The following ZNF578 variants were observed in gnomAD, a reference collection of about 807,000 sequenced individuals.
The protein encoded by ZNF578 is Putative chemokine-related protein B42.
Under a neutral mutation model 8.3 loss-of-function variants are expected in ZNF578, and 8 were observed. That is an observed-to-expected ratio of 0.96 (90% CI 0.56 to 1.74). The LOEUF (loss-of-function observed/expected upper bound fraction) is 1.74. Ranked by LOEUF, ZNF578 falls within the 40% of genes most tolerant of loss-of-function variation. The pLI is 0.00. For synonymous variants in ZNF578, 206 were observed against 232.2 expected (o/e 0.89, Z 1.03); for missense variants, 726 against 707.5 (o/e 1.03, Z -0.30).
chr19:52,474,688 T>C, intron 2 of ZNF578: 1 of 267,174 alleles, frequency 3.7e-6, no homozygotes, highest in South Asian at 4.4e-5. Flanking sequence ...AAGGGATAAC[T>C]CATACCTGAA....
At chr19:52,462,353 C>T (rs535611371) in intron 2 of ZNF578, among the ~76,000 whole-genome samples, 1 of 152,294 alleles carries the variant, frequency 6.6e-6, no homozygotes, top group South Asian at 2.1e-4. Flanking sequence ...AACCCATGGA[C>T]ACATTTATTA....
rs377314982 is a variant in ZNF578 at position 52,511,280 on chromosome 19, C to A, written c.899C>A (p.Ser300Ter). 20 of 1,614,084 alleles carry A rather than the reference C, an allele frequency of 1.2e-5. No homozygotes were observed. The African/African-American group carries it at 1.7e-4, about 14-fold the overall frequency. ...NECGKSFSYK[S>*]SLTCHRRCHT... ...TGTGGAAAGTCCTTCAGTTACAAGTCATCCCTGACATGCCATCGTAGATGT... is the reference window on the plus strand; with the variant it reads ...TGTGGAAAGTCCTTCAGTTACAAGTAATCCCTGACATGCCATCGTAGATGT... The change falls in exon 6 of 6, where the codon TCA (serine) becomes TAA (stop). Residue 300 changes from serine (S) to a stop codon, truncating the protein, a stop_gained. Coordinates refer to ENST00000421239, the MANE Select transcript of ZNF578 (RefSeq NM_001099694.2). LOFTEE classifies it low-confidence loss of function (END_TRUNC).
chr19:52,512,966 G>A lies in ZNF578; in HGVS notation c.*812G>A, dbSNP rs1018220594. On this transcript the variant is annotated 3_prime_UTR_variant, in exon 6 of 6. Transcript: ENST00000421239. ...AGGCCAAGGCACATAGGTCACTTGA[G>A]GTCAAGAGTTTGAAACAAGCATGGC... Among the ~76,000 whole-genome samples the A allele has an allele frequency of 6.6e-6, 1 of 151,744 alleles. No homozygotes were observed. The highest frequency in any genetic ancestry group is 1.5e-5 in the Non-Finnish European group (1 of 67,908).
intron 2 of ZNF578, among the ~76,000 whole-genome samples, chr19:52,488,047 C>G (rs1358824740): frequency 6.6e-6 from 1 of 151,138 alleles, no homozygotes; most frequent in East Asian, 2.0e-4. Context: ...CTCCGCTTGT[C>G]GGCTTCAAGC....
In ZNF578 at chr19:52,512,476, GT is replaced by G; in HGVS notation, c.*324del. ...TTTCAGACATCGTTCATACCTTGCAGTTCATCAGTGAACTCATACTGGAGAG... is the reference window on the plus strand; with the variant it reads ...TTTCAGACATCGTTCATACCTTGCAGTCATCAGTGAACTCATACTGGAGAG... On this transcript the variant is annotated 3_prime_UTR_variant, in exon 6 of 6. Transcript: ENST00000421239. 1.6e-6 allele frequency: 2 copies of G among 1,260,972 alleles called. No homozygotes were observed. The highest frequency in any genetic ancestry group is 2.3e-6 in the Non-Finnish European group (2 of 883,540). The allele number at this position is 1,260,972 out of a possible 1,614,324, so 78.1% of individuals were successfully genotyped here. A position where few individuals can be genotyped will look rare whatever the true frequency, so the allele number is the denominator to read the frequency against.
chr19:52,498,033 A>G (rs1246516281), intron 3 of ZNF578, among the ~76,000 whole-genome samples: 1 of 152,184 alleles, frequency 6.6e-6, no homozygotes, highest in Non-Finnish European at 1.5e-5. Context: ...GTGTGTGCAC[A>G]TGGTGTGTTT....
At chr19:52,464,330 T>G (rs2059267812) in intron 2 of ZNF578, among the ~76,000 whole-genome samples, 1 of 152,198 alleles carries the variant, frequency 6.6e-6, no homozygotes, top group Non-Finnish European at 1.5e-5. Context: ...GTTAGTCCTC[T>G]TTTACTGTGT....
chr19:52,496,670 G>C (rs1291863797), intron 3 of ZNF578, among the ~76,000 whole-genome samples: 2 of 150,888 alleles, frequency 1.3e-5, no homozygotes, highest in Non-Finnish European at 3.0e-5. Context: ...ACAGAGTCTC[G>C]CTCTGTCACC....
intron 2 of ZNF578, among the ~76,000 whole-genome samples, chr19:52,486,631 C>T (rs985776749): frequency 2.6e-5 from 4 of 151,810 alleles, no homozygotes; most frequent in African/African-American, 4.8e-5. Flanking sequence ...GCAGACAGAG[C>T]AGAGTGGTGC....
chr19:52,494,607 A>T (rs2059379220), intron 3 of ZNF578, among the ~76,000 whole-genome samples: 1 of 152,162 alleles, frequency 6.6e-6, no homozygotes, highest in African/African-American at 2.4e-5. Context: ...AACTTGTCTA[A>T]ATTATACAGA....
At chr19:52,497,248 C>T (rs1349465405) in intron 3 of ZNF578, among the ~76,000 whole-genome samples, 2 of 152,202 alleles carry the variant, frequency 1.3e-5, no homozygotes, top group Non-Finnish European at 2.9e-5. Flanking sequence ...TACAGACGCC[C>T]ACCACCCTCC....
intron 3 of ZNF578, among the ~76,000 whole-genome samples, chr19:52,496,799 G>A (rs966032470): frequency 3.3e-5 from 5 of 151,902 alleles, no homozygotes; most frequent in African/African-American, 4.8e-5. Context: ...CACCATGGCC[G>A]GCTAATTTTG....
chr19:52,474,149 T>C (rs2059300814), intron 2 of ZNF578: 1 of 326,120 alleles, frequency 3.1e-6, no homozygotes, highest in Admixed American at 3.9e-5. Flanking sequence ...TTCATGACAT[T>C]TGTAAGGTTT....
At chr19:52,493,643 C>T (rs1484134343) in intron 3 of ZNF578, among the ~76,000 whole-genome samples, 2 of 151,584 alleles carry the variant, frequency 1.3e-5, no homozygotes, top group Non-Finnish European at 2.9e-5. Context: ...AGATAAGAGG[C>T]GGTAATATAT....
At chr19:52,462,202 T>C (rs766278477) in intron 2 of ZNF578, among the ~76,000 whole-genome samples, 12 of 152,238 alleles carry the variant, frequency 7.9e-5, no homozygotes, top group Non-Finnish European at 1.5e-4. Context: ...GACCGAACTC[T>C]GTGAATGAGC....
At chr19:52,465,093 T>TAAA (rs1187034307) in intron 2 of ZNF578, among the ~76,000 whole-genome samples, 1 of 152,218 alleles carries the variant, frequency 6.6e-6, no homozygotes, top group African/African-American at 2.4e-5. Context: ...GGCCTTTTTC[T>TAAA]AGTAGTTCTT....
At chr19:52,498,331 T>A (rs7257676) in intron 3 of ZNF578, among the ~76,000 whole-genome samples, 285 of 22,870 alleles carry the variant, frequency 0.012, 5 homozygotes, top group Middle Eastern at 0.038. Context: ...TAATGTGTGT[T>A]TTTTTTTTTT....
intron 2 of ZNF578, among the ~76,000 whole-genome samples, chr19:52,479,526 G>A (rs1052540090): frequency 7.9e-6 from 1 of 127,328 alleles, no homozygotes; most frequent in African/African-American, 3.0e-5. Flanking sequence ...CTGGGAGACA[G>A]AGCGAGACTC....
intron 3 of ZNF578, among the ~76,000 whole-genome samples, chr19:52,500,668 C>T (rs1325029433): frequency 6.6e-6 from 1 of 152,014 alleles, no homozygotes; most frequent in Non-Finnish European, 1.5e-5. Context: ...CAGTCCTGAG[C>T]CACTATGCTG....
Sources: allele counts gnomAD v4.1 joint callset (sites outside exome capture counted in the v4.1 genomes callset), GRCh38; gene constraint gnomAD v4.1.1; transcripts MANE v1.5; gene names NCBI Gene and HGNC (gene_info 2026-07-23, HGNC 2026-07-21).